CNTN4: variants seen among roughly 807,000 people sequenced by gnomAD.
The protein encoded by CNTN4 is contactin-4.
CNTN4 carries 77 observed loss-of-function variants against 122.5 expected under a neutral mutation model. The observed-to-expected ratio is 0.63, with a 90% CI of 0.52 to 0.76. The LOEUF (loss-of-function observed/expected upper bound fraction) is 0.76. Ranked by LOEUF, CNTN4 falls within the 30% of genes least tolerant of loss-of-function variation. The probability of loss-of-function intolerance (pLI) is 0.00; values close to 1 mark genes in which losing one functional copy is unlikely to be tolerated. For synonymous variants in CNTN4, 512 were observed against 447.0 expected (o/e 1.15, Z -1.83); for missense variants, 1,256 against 1,259.1 (o/e 1.00, Z 0.04).
intron 2 of CNTN4, among the ~76,000 whole-genome samples, chr3:2,113,075 G>T (rs1049767968): frequency 4.6e-5 from 7 of 152,090 alleles, no homozygotes; most frequent in African/African-American, 1.7e-4. Flanking sequence ...CTGCTTTCTT[G>T]GGCTTTTAGA....
At chr3:2,949,876 G>C (rs547876844) in intron 13 of CNTN4, among the ~76,000 whole-genome samples, 1 of 152,254 alleles carries the variant, frequency 6.6e-6, no homozygotes, top group South Asian at 2.1e-4. Flanking sequence ...TAATTTGTAT[G>C]TTTTTCTCTA....
chr3:2,745,183 G>A (rs1184562672), intron 5 of CNTN4, among the ~76,000 whole-genome samples: 1 of 152,186 alleles, frequency 6.6e-6, no homozygotes, highest in East Asian at 1.9e-4. Context: ...CTTTTACTGA[G>A]GAGCCCCATT....
intron 8 of CNTN4, among the ~76,000 whole-genome samples, chr3:2,876,183 G>A (rs1559608251): frequency 6.6e-6 from 1 of 152,182 alleles, no homozygotes; most frequent in Non-Finnish European, 1.5e-5. Context: ...CAGCAGTGGG[G>A]AGGTTCTTGT....
At chr3:2,802,956 G>A (rs2092383285) in intron 6 of CNTN4, among the ~76,000 whole-genome samples, 1 of 152,196 alleles carries the variant, frequency 6.6e-6, no homozygotes, top group Non-Finnish European at 1.5e-5. Flanking sequence ...TTAAAGAAAA[G>A]ACTGATGCAT....
intron 13 of CNTN4, among the ~76,000 whole-genome samples, chr3:2,938,992 C>CAGAT (rs1262651684): frequency 2.6e-5 from 4 of 152,192 alleles, no homozygotes; most frequent in Non-Finnish European, 5.9e-5. Flanking sequence ...AGAGACAAGG[C>CAGAT]AGATGATTTG....
At chr3:2,221,988 TAAC>T (rs1300022523) in intron 2 of CNTN4, among the ~76,000 whole-genome samples, 1 of 152,174 alleles carries the variant, frequency 6.6e-6, no homozygotes, top group Non-Finnish European at 1.5e-5. Flanking sequence ...GTAGACATCT[TAAC>T]AATTCCTCAA....
intron 7 of CNTN4, among the ~76,000 whole-genome samples, chr3:2,831,330 C>T (rs1485394516): frequency 2.6e-5 from 4 of 152,182 alleles, no homozygotes; most frequent in African/African-American, 9.7e-5. Flanking sequence ...AAACTGATTG[C>T]AGTTCTCCAT....
intron 2 of CNTN4, among the ~76,000 whole-genome samples, chr3:2,267,695 G>A (rs1868218): frequency 0.62 from 94,056 of 151,656 alleles, 30,226 homozygotes; most frequent in South Asian, 0.75. Flanking sequence ...ACATTCTTCT[G>A]TAGCTACTTG....
intron 13 of CNTN4, among the ~76,000 whole-genome samples, chr3:2,973,254 C>G (rs994253204): frequency 2.0e-5 from 3 of 151,964 alleles, no homozygotes; most frequent in African/African-American, 7.3e-5. Flanking sequence ...CAAAACAGAT[C>G]TGAAGGTACA....
intron 3 of CNTN4, among the ~76,000 whole-genome samples, chr3:2,551,257 G>T (rs959966264): frequency 6.6e-5 from 10 of 152,118 alleles, no homozygotes; most frequent in South Asian, 4.2e-4. Context: ...AAATGGTATG[G>T]TTTTTTTGAG....
At chr3:2,287,640 GAAGAAGAAGAAGAAGAAGAAGAAGAAGA>G (rs2041957744) in intron 2 of CNTN4, among the ~76,000 whole-genome samples, 5 of 58,386 alleles carry the variant, frequency 8.6e-5, no homozygotes, top group Non-Finnish European at 1.4e-4. Context: ...AGGAGAAGAA[GAAGAAGAAGAAGAAGAAGAAGAAGAAGA>G]AGAAGAAGAA....
intron 13 of CNTN4, among the ~76,000 whole-genome samples, chr3:2,946,887 G>A (rs1407921526): frequency 6.6e-6 from 1 of 151,822 alleles, no homozygotes; most frequent in Non-Finnish European, 1.5e-5. Context: ...TTAACGTTTT[G>A]TAGCAGTGGG....
chr3:2,364,311 A>G (rs1298131147), intron 3 of CNTN4, among the ~76,000 whole-genome samples: 2 of 152,196 alleles, frequency 1.3e-5, no homozygotes, highest in Non-Finnish European at 2.9e-5. Context: ...AGAGTATTAG[A>G]TAGAAATTCA....
At chr3:2,218,448 A>T (rs1289839889) in intron 2 of CNTN4, among the ~76,000 whole-genome samples, 2 of 152,156 alleles carry the variant, frequency 1.3e-5, no homozygotes, top group African/African-American at 4.8e-5. Flanking sequence ...CGAGCCTGGG[A>T]GTTCAAGGAT....
intron 7 of CNTN4, among the ~76,000 whole-genome samples, chr3:2,830,149 A>G (rs2093071230): frequency 2.0e-5 from 3 of 152,228 alleles, no homozygotes; most frequent in Non-Finnish European, 4.4e-5. Context: ...GGCAGAAACC[A>G]AGAACTTAAT....
intron 6 of CNTN4, among the ~76,000 whole-genome samples, chr3:2,778,679 A>G (rs1195570805): frequency 6.6e-6 from 1 of 152,234 alleles, no homozygotes; most frequent in African/African-American, 2.4e-5. Flanking sequence ...TATCATACTG[A>G]TTCCATCCAA....
intron 4 of CNTN4, among the ~76,000 whole-genome samples, chr3:2,734,520 G>A (rs1243115955): frequency 2.0e-5 from 3 of 152,118 alleles, no homozygotes; most frequent in Admixed American, 1.3e-4. Context: ...TGGTCTTTCT[G>A]AATCCTCACC....
At chr3:2,438,049 T>G (rs557781106) in intron 3 of CNTN4, among the ~76,000 whole-genome samples, 283 of 152,300 alleles carry the variant, frequency 1.9e-3, no homozygotes, top group Middle Eastern at 6.8e-3. Context: ...TTTGCCTACC[T>G]TACCTTCTAA....
chr3:2,944,893 G>A (rs1426453709), intron 13 of CNTN4, among the ~76,000 whole-genome samples: 1 of 152,142 alleles, frequency 6.6e-6, no homozygotes, highest in Non-Finnish European at 1.5e-5. Flanking sequence ...TTGCAACTGG[G>A]ATTTCAGCTA....
Sources: allele counts gnomAD v4.1 joint callset (sites outside exome capture counted in the v4.1 genomes callset), GRCh38; gene constraint gnomAD v4.1.1; transcripts MANE v1.5; gene names NCBI Gene and HGNC (gene_info 2026-07-23, HGNC 2026-07-21).